TENM3: variants seen among roughly 807,000 people sequenced by gnomAD.
TENM3 encodes the protein teneurin-3.
A neutral mutation model predicts 255.1 loss-of-function variants in TENM3; 63 were observed. The observed-to-expected ratio is 0.25, with a 90% CI of 0.20 to 0.30. The LOEUF (loss-of-function observed/expected upper bound fraction) is 0.30. Among genes scored for constraint, TENM3 ranks in the 10% least tolerant of loss-of-function variants. The pLI is 1.00. For synonymous variants in TENM3, 1,306 were observed against 1,322.3 expected, an observed-to-expected ratio of 0.99 and a Z score of 0.27; for missense variants, 2,929 against 3,461.1, an observed-to-expected ratio of 0.85 and a Z score of 3.86.
chr4:182,117,733 G>T, the TENM3 span, among the ~76,000 whole-genome samples: 1 of 152,090 alleles, frequency 6.6e-6, no homozygotes, highest in African/African-American at 2.4e-5. Context: ...AATAGCATCA[G>T]TCCTCTGACT....
chr4:181,459,582 C>T, the TENM3 span, among the ~76,000 whole-genome samples: 1 of 149,044 alleles, frequency 6.7e-6, no homozygotes, highest in Admixed American at 6.7e-5. Context: ...TCCCACATTA[C>T]ATGTTAAAAA....
chr4:182,286,949 C>T (rs1409205502), intron 1 of TENM3, among the ~76,000 whole-genome samples: 1 of 152,180 alleles, frequency 6.6e-6, no homozygotes, highest in Admixed American at 6.5e-5. Context: ...AAATGCAGAC[C>T]AGGCACGGTG....
At chr4:181,927,057 C>A in the TENM3 span, among the ~76,000 whole-genome samples, 1 of 152,170 alleles carries the variant, frequency 6.6e-6, no homozygotes, top group Non-Finnish European at 1.5e-5. Context: ...CCACCAGAGC[C>A]CTGGGTTTCA....
At chr4:182,714,302 A>C in intron 13 of TENM3, 69 bp downstream of exon 13, 1 of 571,810 alleles carries the variant, frequency 1.7e-6, no homozygotes, top group Non-Finnish European at 2.5e-6. Flanking sequence ...GTGAGTACAT[A>C]GATATCTGTT....
intron 6 of TENM3, among the ~76,000 whole-genome samples, chr4:182,669,522 A>G (rs1445976675): frequency 6.6e-6 from 1 of 152,152 alleles, no homozygotes; most frequent in South Asian, 2.1e-4. Context: ...CGCCCTCCTC[A>G]GCCTCCCAAA....
the TENM3 span, among the ~76,000 whole-genome samples, chr4:181,765,959 C>G: frequency 1.3e-5 from 2 of 152,144 alleles, no homozygotes. Context: ...CAGAAGAGGA[C>G]AGGAAGTCAA....
the TENM3 span, among the ~76,000 whole-genome samples, chr4:181,527,938 G>A: frequency 9.5e-3 from 1,447 of 151,868 alleles, 26 homozygotes; most frequent in African/African-American, 0.032. Flanking sequence ...TATATTAATG[G>A]CTGAACAATA....
chr4:182,620,863 GGGCTACAGGTGCATGGCACCATGCTA>G (rs1750055977), intron 4 of TENM3, among the ~76,000 whole-genome samples: 1 of 151,646 alleles, frequency 6.6e-6, no homozygotes, highest in African/African-American at 2.4e-5. Context: ...TGAGTAGCTG[GGGCTACAGGTGCATGGCACCATGCTA>G]GGCTAATTTT....
the TENM3 span, among the ~76,000 whole-genome samples, chr4:181,748,312 C>T: frequency 2.6e-5 from 4 of 152,052 alleles, no homozygotes; most frequent in African/African-American, 4.8e-5. Context: ...TTGCATTCTC[C>T]GGTAGAATTT....
At chr4:182,755,566 CA>C (rs1270969056) in intron 22 of TENM3, among the ~76,000 whole-genome samples, 2 of 151,970 alleles carry the variant, frequency 1.3e-5, no homozygotes, top group Non-Finnish European at 2.9e-5. Context: ...TGGCCGGGCG[CA>C]GTGGCTCACG....
At chr4:181,876,751 T>C in the TENM3 span, among the ~76,000 whole-genome samples, 1 of 152,090 alleles carries the variant, frequency 6.6e-6, no homozygotes, top group Non-Finnish European at 1.5e-5. Context: ...GTTAAGAACA[T>C]TAGATATGCA....
the TENM3 span, among the ~76,000 whole-genome samples, chr4:181,595,459 C>T: frequency 9.2e-5 from 7 of 75,926 alleles, no homozygotes; most frequent in South Asian, 1.2e-3. Flanking sequence ...AAAAAACAAG[C>T]AAGAGTAGAA....
chr4:181,470,117 A>AAAAAAAAAAG, the TENM3 span, among the ~76,000 whole-genome samples: 1 of 122,190 alleles, frequency 8.2e-6, no homozygotes. Context: ...GTAAAAAAAA[A>AAAAAAAAAAG]AAAAAAAACA....
intron 3 of TENM3, chr4:182,449,215 C>A (rs1211930054): frequency 6.1e-6 from 1 of 164,754 alleles, no homozygotes; most frequent in Non-Finnish European, 1.2e-5. Flanking sequence ...GTGGTGGCGG[C>A]GGCGGCGGCG....
At chr4:182,036,919 T>C in the TENM3 span, among the ~76,000 whole-genome samples, 4 of 152,168 alleles carry the variant, frequency 2.6e-5, no homozygotes, top group African/African-American at 9.7e-5. Context: ...CAGATCTCAG[T>C]GTATTTTTGC....
chr4:182,269,662 C>A (rs1314176591), intron 1 of TENM3, among the ~76,000 whole-genome samples: 1 of 151,970 alleles, frequency 6.6e-6, no homozygotes, highest in African/African-American at 2.4e-5. Context: ...TTGGAGAGAA[C>A]CTTGAGGATT....
chr4:182,107,338 C>T, the TENM3 span, among the ~76,000 whole-genome samples: 1 of 152,140 alleles, frequency 6.6e-6, no homozygotes, highest in Admixed American at 6.5e-5. Context: ...CTGAAGGACC[C>T]CAGAAAGCAG....
rs1477455256 is a variant in TENM3, at chr4:182,770,046, C to CA, written c.4893-3425dup. Reference sequence around the variant, plus strand: ...GCTTGAACCCAGGAGGCGGAGGTTGCAGTGAGCCGAGATCATGCCACTGCA... The same window carrying CA: ...GCTTGAACCCAGGAGGCGGAGGTTGCAAGTGAGCCGAGATCATGCCACTGCA... On this transcript the variant is annotated intron_variant, in intron 22 of 27. Coordinates refer to ENST00000511685, the MANE Select transcript of TENM3 (RefSeq NM_001080477.4). Among the ~76,000 whole-genome samples the CA allele has an allele frequency of 2.7e-5, 4 of 147,372 alleles. No homozygotes were observed. The Admixed American group carries it at 2.7e-4, about 10-fold the overall frequency.
chr4:182,195,878 G>GA (rs952200597), intron 1 of TENM3, among the ~76,000 whole-genome samples: 50 of 151,638 alleles, frequency 3.3e-4, no homozygotes, highest in Admixed American at 2.6e-3. Context: ...TATATTCTCA[G>GA]AAAAAAAAAT....
Sources: gnomAD v4.1 joint callset for allele counts (sites outside exome capture counted in the v4.1 genomes callset) on GRCh38, gnomAD v4.1.1 for gene constraint, MANE v1.5 for transcripts, NCBI Gene and HGNC (gene_info 2026-07-23, HGNC 2026-07-21) for gene names.